CES5A: variants seen among roughly 807,000 people sequenced by gnomAD.
CES5A encodes the protein carboxylesterase 5.
CES5A carries 67 observed loss-of-function variants against 62.9 expected under a neutral mutation model. The ratio of observed to expected loss-of-function variants is 1.07; its 90% CI spans 0.88 to 1.31. CES5A has a LOEUF of 1.31. Among genes scored for constraint, CES5A ranks in the 50% most tolerant of loss-of-function variants. CES5A has a pLI of 0.00. For missense variants in CES5A, 748 were observed against 708.5 expected (o/e 1.06, Z -0.63); for synonymous variants, 296 against 280.8 (o/e 1.05, Z -0.54).
intron 1 of CES5A, among the ~76,000 whole-genome samples, chr16:55,881,923 C>A (rs559722320): frequency 2.6e-4 from 39 of 152,148 alleles, no homozygotes; most frequent in African/African-American, 5.1e-4. Context: ...GGCAAAAAAA[C>A]CAGAGTGGCA....
At chr16:55,878,575 A>G (rs2033722663), upstream of CES5A, among the ~76,000 whole-genome samples, 1 of 147,412 alleles carries the variant, frequency 6.8e-6, no homozygotes, top group Non-Finnish European at 1.5e-5. Context: ...CTACCCCATC[A>G]CTGTACCCCC....
intron 1 of CES5A, among the ~76,000 whole-genome samples, chr16:55,885,763 T>A (rs888082302): frequency 6.6e-6 from 1 of 152,118 alleles, no homozygotes; most frequent in South Asian, 2.1e-4. Flanking sequence ...CCTGGTTCAA[T>A]GATTGGAAGC....
intron 1 of CES5A, among the ~76,000 whole-genome samples, chr16:55,950,790 C>A (rs2034546595): frequency 6.6e-6 from 1 of 151,884 alleles, no homozygotes; most frequent in Non-Finnish European, 1.5e-5. Flanking sequence ...CTATCAACTG[C>A]AGAGTAAGTA....
At chr16:55,878,723 C>T (rs975641329), upstream of CES5A, among the ~76,000 whole-genome samples, 2 of 147,112 alleles carry the variant, frequency 1.4e-5, no homozygotes, top group South Asian at 4.4e-4. Flanking sequence ...CATGACTGCA[C>T]CCCCACCACT....
At chr16:55,924,972 A>G (rs2034243998) in intron 1 of CES5A, among the ~76,000 whole-genome samples, 1 of 151,984 alleles carries the variant, frequency 6.6e-6, no homozygotes, top group African/African-American at 2.4e-5. Flanking sequence ...GATTTTTTGT[A>G]TAAGACCTCA....
At chr16:55,893,394 T>C (rs190520907) in intron 1 of CES5A, among the ~76,000 whole-genome samples, 143 of 152,214 alleles carry the variant, frequency 9.4e-4, no homozygotes, top group African/African-American at 3.2e-3. Flanking sequence ...ATAGAATCAG[T>C]TCCCATAAAT....
In CES5A at chr16:55,866,002, G is replaced by C. The variant is rs753983191; in HGVS notation, c.666C>G (p.Ile222Met). 1 of 1,614,094 alleles carries C rather than the reference G, an allele frequency of 6.2e-7. No individual in the cohort carries two copies. Among genetic ancestry groups the C allele is most frequent in the East Asian group, 2.2e-5 (1 of 44,898 alleles). The change falls in exon 5 of 13, where the codon ATC (isoleucine) becomes ATG (methionine). Residue 222 changes from isoleucine to methionine, a missense_variant. Ile to Met is a conservative substitution (Grantham distance 10). Transcript: ENST00000290567. ...TTATGGCTCCCGCGGACTCGCCAAA[G>C]ATGGTCACAGAGCTGGGGTCCCCAC... ...FFGGDPSSVT[I>M]FGESAGAISV...
intron 2 of CES5A, among the ~76,000 whole-genome samples, chr16:55,935,765 T>G (rs2034367490): frequency 6.6e-6 from 1 of 152,050 alleles, no homozygotes; most frequent in Non-Finnish European, 1.5e-5. Flanking sequence ...TGAACTCTCC[T>G]GGTGATGTTT....
intron 10 of CES5A, 24 bp from the exon 11 acceptor site, chr16:55,849,797 A>G: frequency 6.2e-7 from 1 of 1,611,874 alleles, no homozygotes; most frequent in Non-Finnish European, 8.5e-7. Context: ...AGGGAAGGTC[A>G]GGCATGCATG....
intron 1 of CES5A, among the ~76,000 whole-genome samples, chr16:55,897,967 C>A (rs1397091719): frequency 1.3e-5 from 2 of 152,106 alleles, no homozygotes; most frequent in African/African-American, 4.8e-5. Flanking sequence ...AAAAGCCAAG[C>A]ATGAAAAGCA....
chr16:55,896,127 G>T (rs1238364796), intron 1 of CES5A, among the ~76,000 whole-genome samples: 1 of 152,176 alleles, frequency 6.6e-6, no homozygotes, highest in Non-Finnish European at 1.5e-5. Flanking sequence ...CATGGTAAAA[G>T]GTGAATGAGG....
intron 10 of CES5A, 72 bp from the exon 11 acceptor site, chr16:55,849,845 A>G (rs1380578597): frequency 1.3e-6 from 2 of 1,541,524 alleles, no homozygotes; most frequent in Non-Finnish European, 8.8e-7. Context: ...GTCCCCACCT[A>G]TCAAGTCTTG....
At chr16:55,952,451 AT>A (rs1334835150) in intron 1 of CES5A, among the ~76,000 whole-genome samples, 1 of 152,132 alleles carries the variant, frequency 6.6e-6, no homozygotes, top group African/African-American at 2.4e-5. Context: ...ACACAAAAAA[AT>A]CAATAGTATA....
chr16:55,954,325 A>G (rs1408758535), intron 1 of CES5A, among the ~76,000 whole-genome samples: 2 of 152,216 alleles, frequency 1.3e-5, no homozygotes, highest in Non-Finnish European at 2.9e-5. Flanking sequence ...CATTGCATGC[A>G]TTGGAAGCAA....
chr16:55,944,921 C>T (rs1328491783), intron 2 of CES5A, among the ~76,000 whole-genome samples: 2 of 152,208 alleles, frequency 1.3e-5, no homozygotes, highest in Non-Finnish European at 2.9e-5. Context: ...GACCCAGACC[C>T]TATACTCAAG....
intron 1 of CES5A, among the ~76,000 whole-genome samples, chr16:55,924,040 A>T (rs2034235017): frequency 6.6e-6 from 1 of 151,958 alleles, no homozygotes; most frequent in Admixed American, 6.6e-5. Flanking sequence ...GCTTTTATTC[A>T]GTATAGTACT....
At chr16:55,953,417 A>T (rs1328127275) in intron 1 of CES5A, among the ~76,000 whole-genome samples, 1 of 152,224 alleles carries the variant, frequency 6.6e-6, no homozygotes, top group Non-Finnish European at 1.5e-5. Flanking sequence ...ACCATCTGTC[A>T]GAAAAATCCA....
intron 2 of CES5A, 90 bp downstream of exon 2, chr16:55,873,743 A>C: frequency 8.3e-7 from 1 of 1,198,792 alleles, no homozygotes; most frequent in Non-Finnish European, 1.2e-6. Context: ...CATCCATGCC[A>C]ATCCCTCTTC....
At chr16:55,881,222 G>T (rs2033758189) in intron 1 of CES5A, among the ~76,000 whole-genome samples, 1 of 152,156 alleles carries the variant, frequency 6.6e-6, no homozygotes, top group South Asian at 2.1e-4. Context: ...TCCTCATCAA[G>T]ATCACCCAAT....
Sources: allele counts gnomAD v4.1 joint callset (sites outside exome capture counted in the v4.1 genomes callset), GRCh38; gene constraint gnomAD v4.1.1; transcripts MANE v1.5; gene names NCBI Gene and HGNC (gene_info 2026-07-23, HGNC 2026-07-21).